BCO1: variants seen among roughly 807,000 people sequenced by gnomAD.
The protein encoded by BCO1 is beta-carotene oxygenase 1.
In BCO1, 54 loss-of-function variants were observed where a neutral mutation model predicts 56.3. The observed-to-expected ratio is 0.96, with a 90% CI of 0.77 to 1.20. The LOEUF (loss-of-function observed/expected upper bound fraction) is 1.20. Among genes scored for constraint, BCO1 ranks in the 50% most tolerant of loss-of-function variants. BCO1 has a pLI of 0.00. For synonymous variants in BCO1, 318 were observed against 266.1 expected, an observed-to-expected ratio of 1.20 and a Z score of -1.90; for missense variants, 801 against 690.9, an observed-to-expected ratio of 1.16 and a Z score of -1.79.
At chr16:81,255,868 C>T (rs903563256) in intron 2 of BCO1, among the ~76,000 whole-genome samples, 1 of 151,924 alleles carries the variant, frequency 6.6e-6, no homozygotes, top group African/African-American at 2.4e-5. Flanking sequence ...CTCTGTTGCC[C>T]AGGCTGGACT....
rs769682221 is a variant in BCO1, at chr16:81,264,787, G to C, written c.619G>C (p.Glu207Gln). The C allele has an allele frequency of 1.2e-6, 2 of 1,614,116 alleles. No homozygotes were observed. The highest frequency in any genetic ancestry group is 3.3e-5 in the Admixed American group (2 of 60,016). Residue 207 changes from glutamate to glutamine, a missense_variant and splice_region_variant, in exon 5 of 11, where the codon GAG (glutamate) becomes CAG (glutamine). By Grantham distance (29) the Glu-to-Gln change is conservative (BLOSUM62 2). Coordinates refer to ENST00000258168, the MANE Select transcript of BCO1 (RefSeq NM_017429.3). ...VIFKIPATVP[E>Q]GKKQGKSPWK... is the part of the protein sequence containing the mutation. ...TTTTAAGATCCCTGCCACAGTACCA[G>C]GTAGGCCACTCTGGGGAATTGAATA...
intron 7 of BCO1, among the ~76,000 whole-genome samples, chr16:81,278,383 C>T (rs1194511309): frequency 6.6e-6 from 1 of 152,134 alleles, no homozygotes; most frequent in African/African-American, 2.4e-5. Flanking sequence ...GTGCTGGGCT[C>T]CTTTGTCTCT....
chr16:81,248,279 T>C (rs1302565817), intron 2 of BCO1, among the ~76,000 whole-genome samples: 1 of 151,826 alleles, frequency 6.6e-6, no homozygotes, highest in Non-Finnish European at 1.5e-5. Context: ...GGTGAGCACC[T>C]GTAATCCCAG....
chr16:81,280,895 T>A lies in BCO1; in HGVS notation c.1140T>A (p.Ser380=), dbSNP rs1183354491. The A allele has an allele frequency of 6.2e-7, 1 of 1,614,038 alleles. No individual in the cohort carries two copies. The highest frequency in any genetic ancestry group is 8.5e-7 in the Non-Finnish European group (1 of 1,180,016). The change falls in exon 8 of 11, where the codon TCT becomes TCA. Residue 380 remains serine, a synonymous_variant. Transcript: ENST00000258168. Reference sequence around the variant, plus strand: ...GCACAAATTTAATCAAAGTGGCATCTACAACAGCCACGGCCCTGAAGGAAG... The same window carrying A: ...GCACAAATTTAATCAAAGTGGCATCAACAACAGCCACGGCCCTGAAGGAAG... The part of the protein sequence containing the change: ...EVGTNLIKVA[S]TTATALKEED...
At chr16:81,264,319 G>C (rs538883096) in intron 4 of BCO1, among the ~76,000 whole-genome samples, 2 of 152,286 alleles carry the variant, frequency 1.3e-5, no homozygotes, top group African/African-American at 2.4e-5. Flanking sequence ...ATTCCAGCAA[G>C]GTCAGGCAAC....
At chr16:81,281,641 G>C (rs1907887625) in intron 8 of BCO1, among the ~76,000 whole-genome samples, 1 of 152,128 alleles carries the variant, frequency 6.6e-6, no homozygotes, top group African/African-American at 2.4e-5. Context: ...CTAGGCCTGG[G>C]AGTCCTTGAG....
chr16:81,264,970 G>C (rs566260314), intron 5 of BCO1, among the ~76,000 whole-genome samples, 183 bp downstream of exon 5: 8 of 152,248 alleles, frequency 5.3e-5, no homozygotes, highest in Non-Finnish European at 1.0e-4. Context: ...ATTCCTCTTG[G>C]AAGAAAGAAA....
chr16:81,282,685 T>TC (rs1488731848), intron 8 of BCO1, among the ~76,000 whole-genome samples: 2 of 151,804 alleles, frequency 1.3e-5, no homozygotes, highest in Non-Finnish European at 2.9e-5. Flanking sequence ...TTTTTTTTTT[T>TC]CCTGAGAAGA....
At position 81,268,074 on chromosome 16, in the gene BCO1, C is replaced by T. The variant is rs749662999; in HGVS notation, c.786C>T (p.Thr262=). 7.4e-6 allele frequency: 12 copies of T among 1,612,782 alleles called. No individual in the cohort carries two copies. Among genetic ancestry groups the T allele is most frequent in the Admixed American group, 5.0e-5 (3 of 59,968 alleles). Reference sequence around the variant, plus strand: ...GGTTGGATATTCTCAAGATGGCAACCGCATACATCCGGAGAATGAGCTGGG... The same window carrying T: ...GGTTGGATATTCTCAAGATGGCAACTGCATACATCCGGAGAATGAGCTGGG... The part of the protein sequence containing the change: ...PFRLDILKMA[T]AYIRRMSWAS... Residue 262 remains threonine (T), a synonymous_variant, in exon 6 of 11, where the codon ACC becomes ACT. Transcript: ENST00000258168.
intron 7 of BCO1, 107 bp downstream of exon 7, chr16:81,270,523 C>T: frequency 7.1e-7 from 1 of 1,414,928 alleles, no homozygotes; most frequent in Non-Finnish European, 9.6e-7. Flanking sequence ...ATGAACTGTT[C>T]TTGAAAAAAA....
At chr16:81,255,580 A>G (rs1906082941) in intron 2 of BCO1, among the ~76,000 whole-genome samples, 1 of 150,788 alleles carries the variant, frequency 6.6e-6, no homozygotes, top group Non-Finnish European at 1.5e-5. Context: ...GCTCACTGCA[A>G]CCTCTGCCTC....
At chr16:81,267,856 G>C (rs572365034) in intron 5 of BCO1, 52 bp from the exon 6 acceptor site, 8 of 1,536,642 alleles carry the variant, frequency 5.2e-6, no homozygotes, top group South Asian at 1.1e-5. Context: ...GTGGTCTTGG[G>C]GGGGCAGCCA....
At chr16:81,275,652 T>C (rs1907510827) in intron 7 of BCO1, among the ~76,000 whole-genome samples, 1 of 152,178 alleles carries the variant, frequency 6.6e-6, no homozygotes, top group Non-Finnish European at 1.5e-5. Flanking sequence ...GATGAATACA[T>C]GAAAAATGGG....
At chr16:81,283,705 C>T (rs1274495339) in intron 8 of BCO1, among the ~76,000 whole-genome samples, 1 of 151,948 alleles carries the variant, frequency 6.6e-6, no homozygotes, top group Non-Finnish European at 1.5e-5. Flanking sequence ...TACTTCATTC[C>T]CCTTCCCGCC....
chr16:81,255,127 C>T (rs1906051590), intron 2 of BCO1, among the ~76,000 whole-genome samples: 1 of 152,172 alleles, frequency 6.6e-6, no homozygotes. Context: ...GTGGGTAGCT[C>T]CCCTTTGTGA....
chr16:81,253,929 C>T (rs989130809), intron 2 of BCO1, among the ~76,000 whole-genome samples: 6 of 152,086 alleles, frequency 3.9e-5, no homozygotes, highest in Non-Finnish European at 1.5e-5. Flanking sequence ...CGCCACTGCC[C>T]TTAGCCTGGT....
intron 2 of BCO1, among the ~76,000 whole-genome samples, chr16:81,252,504 C>T (rs956976766): frequency 6.6e-6 from 1 of 152,164 alleles, no homozygotes; most frequent in Non-Finnish European, 1.5e-5. Context: ...GATCCACCTG[C>T]CTCGGCCTCC....
Position 81,264,662 on chromosome 16 carries a change from C to T in BCO1, c.494C>T (p.Ala165Val), listed in dbSNP as rs148919906. ...LEKVDYRKYV[A>V]VNLATSHPHY... is the part of the protein sequence containing the mutation. ...CAGGTTGATTATCGTAAATACGTGGCGGTAAATCTGGCAACGTCACATCCC... is the reference window on the plus strand; with the variant it reads ...CAGGTTGATTATCGTAAATACGTGGTGGTAAATCTGGCAACGTCACATCCC... Residue 165 changes from alanine (A) to valine (V), a missense_variant, in exon 5 of 11, where the codon GCG becomes GTG. By Grantham distance (64) the Ala-to-Val change is moderately conservative (BLOSUM62 0). Transcript: ENST00000258168. The T allele has an allele frequency of 3.7e-6, 6 of 1,614,042 alleles. No homozygotes were observed. Among genetic ancestry groups the T allele is most frequent in the African/African-American group, 1.3e-5 (1 of 74,994 alleles).
intron 8 of BCO1, 147 bp from the exon 9 acceptor site, chr16:81,285,393 C>G (rs1908120407): frequency 2.9e-6 from 2 of 693,440 alleles, no homozygotes; most frequent in East Asian, 5.5e-5. Context: ...CTTTGACCAC[C>G]TTTGATCCAA....
Sources: gnomAD v4.1 joint callset for allele counts (sites outside exome capture counted in the v4.1 genomes callset) on GRCh38, gnomAD v4.1.1 for gene constraint, MANE v1.5 for transcripts, NCBI Gene and HGNC (gene_info 2026-07-23, HGNC 2026-07-21) for gene names.